SENP7: variants seen among roughly 807,000 people sequenced by gnomAD.
SENP7 encodes SUMO specific peptidase 7.
A neutral mutation model predicts 141.2 loss-of-function variants in SENP7; 64 were observed. That is an observed-to-expected ratio of 0.45 (90% CI 0.37 to 0.56). The LOEUF is 0.56. Among genes scored for constraint, SENP7 ranks in the 20% least tolerant of loss-of-function variants. The pLI is 0.00. For missense variants in SENP7, 1,025 were observed against 1,212.2 expected (o/e 0.85, Z 2.29); for synonymous variants, 382 against 426.4 (o/e 0.90, Z 1.28).
intron 11 of SENP7, chr3:101,357,884 AACCTTACT>A: frequency 1.8e-6 from 1 of 566,106 alleles, no homozygotes; most frequent in South Asian, 1.7e-5. Context: ...AGCTGCCTCT[AACCTTACT>A]ACACATAAGA....
rs772499577 is a variant in SENP7 at position 101,366,549 on chromosome 3, A to G, written c.1199T>C (p.Ile400Thr). ...TTETVENSNSIDIVGISSLVE... is the reference protein window; with the variant it reads ...TTETVENSNSTDIVGISSLVE... The stretch of plus-strand genomic sequence containing the variant: ...CAGGGAAGAAATCCCCACAATATCA[A>G]TGGAATTAGAGTTCTCAACGGTTTC... The change falls in exon 9 of 24, where the codon ATT (isoleucine) becomes ACT (threonine). Residue 400 changes from isoleucine to threonine, a missense_variant. Physicochemically the swap from Ile to Thr is moderately conservative, Grantham distance 89. Transcript: ENST00000394095. The G allele has an allele frequency of 1.1e-5, 17 of 1,613,746 alleles. No homozygotes were observed. Among genetic ancestry groups the G allele is most frequent in the Middle Eastern group, 3.3e-4 (2 of 6,080 alleles).
At chr3:101,401,974 G>C (rs2061156804) in intron 5 of SENP7, among the ~76,000 whole-genome samples, 1 of 148,048 alleles carries the variant, frequency 6.8e-6, no homozygotes, top group Non-Finnish European at 1.5e-5. Flanking sequence ...AATGAGTCAT[G>C]CTGGGCAACA....
At chr3:101,456,507 T>C (rs2063354700) in intron 4 of SENP7, among the ~76,000 whole-genome samples, 1 of 152,170 alleles carries the variant, frequency 6.6e-6, no homozygotes, top group Non-Finnish European at 1.5e-5. Flanking sequence ...ATAATGTTAA[T>C]GCTGTGACCA....
intron 4 of SENP7, among the ~76,000 whole-genome samples, chr3:101,456,459 C>A (rs903781820): frequency 6.6e-6 from 1 of 151,552 alleles, no homozygotes; most frequent in African/African-American, 2.4e-5. Context: ...TCTTTTTATC[C>A]CCTAACAATA....
chr3:101,472,519 G>A (rs2064043259), intron 3 of SENP7, among the ~76,000 whole-genome samples: 1 of 152,092 alleles, frequency 6.6e-6, no homozygotes, highest in Non-Finnish European at 1.5e-5. Context: ...GGAGCTGGGG[G>A]AGGGATAGCA....
In SENP7 at chr3:101,417,661, T is replaced by G. The variant is rs1254493049; in HGVS notation, c.414A>C (p.Thr138=). 2 of 1,613,896 alleles carry G rather than the reference T, an allele frequency of 1.2e-6. No homozygotes were observed. The highest frequency in any genetic ancestry group is 4.5e-5 in the East Asian group (2 of 44,868). ...NKVQSDSLPS[T]SVDSLETCQK... Reference sequence around the variant, plus strand: ...GACATGTCTCTAGGCTGTCAACAGATGTCGAAGGCAATGAGTCTGATTGCA... The same window carrying G: ...GACATGTCTCTAGGCTGTCAACAGAGGTCGAAGGCAATGAGTCTGATTGCA... Residue 138 remains threonine, a synonymous_variant, in exon 5 of 24, where the codon ACA becomes ACC. Coordinates refer to ENST00000394095, the MANE Select transcript of SENP7 (RefSeq NM_020654.5).
chr3:101,502,901 G>A (rs1252633310), intron 1 of SENP7, among the ~76,000 whole-genome samples: 4 of 146,484 alleles, frequency 2.7e-5, no homozygotes, highest in Non-Finnish European at 5.9e-5. Flanking sequence ...GGGTGACAGA[G>A]TAAGACCCTG....
chr3:101,405,406 C>T (rs1559777556), intron 5 of SENP7, among the ~76,000 whole-genome samples: 1 of 152,146 alleles, frequency 6.6e-6, no homozygotes, highest in African/African-American at 2.4e-5. Flanking sequence ...AAGGGAACAC[C>T]CCATGGGACA....
chr3:101,512,960 C>T (rs1704167423), intron 1 of SENP7, 131 bp downstream of exon 1: 6 of 989,550 alleles, frequency 6.1e-6, no homozygotes, highest in Admixed American at 3.4e-5. Flanking sequence ...TTCCATTGTG[C>T]GCGCCCCTTC....
At chr3:101,332,130 T>C (rs1559678343) in intron 18 of SENP7, 21 bp from the exon 19 acceptor site, 2 of 1,609,200 alleles carry the variant, frequency 1.2e-6, no homozygotes, top group Non-Finnish European at 1.7e-6. Context: ...AGAACTACAA[T>C]CTTAATACCA....
chr3:101,468,056 C>T (rs1363946942), intron 3 of SENP7, among the ~76,000 whole-genome samples: 1 of 152,018 alleles, frequency 6.6e-6, no homozygotes, highest in Non-Finnish European at 1.5e-5. Context: ...AGCTTCGTGA[C>T]ACATGCACAA....
chr3:101,435,388 T>C (rs1223966951), intron 4 of SENP7, among the ~76,000 whole-genome samples: 1 of 152,092 alleles, frequency 6.6e-6, no homozygotes, highest in Non-Finnish European at 1.5e-5. Flanking sequence ...AACAAGGATG[T>C]CTACTGTCAC....
intron 22 of SENP7, 81 bp from the exon 23 acceptor site, chr3:101,327,897 A>G: frequency 8.3e-7 from 1 of 1,200,074 alleles, no homozygotes; most frequent in Non-Finnish European, 1.1e-6. Flanking sequence ...GCGGAAAAAC[A>G]TTTGTTGCCA....
intron 3 of SENP7, among the ~76,000 whole-genome samples, chr3:101,472,058 T>C (rs1430641916): frequency 6.6e-6 from 1 of 152,220 alleles, no homozygotes; most frequent in Non-Finnish European, 1.5e-5. Flanking sequence ...TTGGTGGGAA[T>C]GTAAATTAGT....
chr3:101,372,608 T>C (rs1344380947), intron 6 of SENP7, among the ~76,000 whole-genome samples: 1 of 152,034 alleles, frequency 6.6e-6, no homozygotes, highest in Non-Finnish European at 1.5e-5. Context: ...ATTTAAAGTC[T>C]AAGGTACTGG....
chr3:101,366,506 A>T lies in SENP7; in HGVS notation c.1242T>A (p.Asn414Lys). 1 of 1,613,890 alleles carries T rather than the reference A, an allele frequency of 6.2e-7. No individual in the cohort carries two copies. Among genetic ancestry groups the T allele is most frequent in the Non-Finnish European group, 8.5e-7 (1 of 1,179,808 alleles). Reference sequence around the variant, plus strand: ...TAGGCTTTTCTATGGTATTCAACTCATTCTCATCCTTCTCAACCAGGGAAG... The same window carrying T: ...TAGGCTTTTCTATGGTATTCAACTCTTTCTCATCCTTCTCAACCAGGGAAG... ...GISSLVEKDE[N>K]ELNTIEKPIL... The change falls in exon 9 of 24, where the codon AAT becomes AAA. Residue 414 changes from asparagine to lysine, a missense_variant. Transcript: ENST00000394095.
At chr3:101,512,888 G>A (rs1383047440) in intron 1 of SENP7, among the ~76,000 whole-genome samples, 1 of 152,088 alleles carries the variant, frequency 6.6e-6, no homozygotes, top group African/African-American at 2.4e-5. Context: ...AAGAGCGCCC[G>A]AGGCTTCGAT....
chr3:101,472,196 C>G (rs774310884), intron 3 of SENP7, among the ~76,000 whole-genome samples: 2 of 152,186 alleles, frequency 1.3e-5, no homozygotes, highest in African/African-American at 2.4e-5. Flanking sequence ...TAAAGACACA[C>G]GCACACATAT....
At chr3:101,435,095 A>G (rs2062332954) in intron 4 of SENP7, among the ~76,000 whole-genome samples, 1 of 152,126 alleles carries the variant, frequency 6.6e-6, no homozygotes, top group South Asian at 2.1e-4. Context: ...ATTTATCCCT[A>G]TGATGCAAAG....
Sources: allele counts gnomAD v4.1 joint callset (sites outside exome capture counted in the v4.1 genomes callset), GRCh38; gene constraint gnomAD v4.1.1; transcripts MANE v1.5; gene names NCBI Gene and HGNC (gene_info 2026-07-23, HGNC 2026-07-21).